Variants in JADE3 observed in about 807,000 individuals in gnomAD.
JADE3 encodes jade family PHD finger 3.
A neutral mutation model predicts 50.1 loss-of-function variants in JADE3; 2 were observed. The ratio of observed to expected loss-of-function variants is 0.04; its 90% CI spans 0.02 to 0.13. The LOEUF (loss-of-function observed/expected upper bound fraction) is 0.13. Among genes scored for constraint, JADE3 ranks in the 10% least tolerant of loss-of-function variants. The probability of loss-of-function intolerance (pLI) is 1.00; values close to 1 mark genes in which losing one functional copy is unlikely to be tolerated. For synonymous variants in JADE3, 218 were observed against 232.9 expected (o/e 0.94, Z 0.58); for missense variants, 475 against 634.4 (o/e 0.75, Z 2.70).
chrX:46,956,386 C>G (rs1272326709), intron 1 of JADE3, among the ~76,000 whole-genome samples: 1 of 112,760 alleles, frequency 8.9e-6, no homozygotes, highest in African/African-American at 3.2e-5. Context: ...TAAGCTAAAA[C>G]ATTTCTGATT....
chrX:46,978,222 C>CA (rs1392779125), intron 1 of JADE3, among the ~76,000 whole-genome samples: 5 of 111,069 alleles, frequency 4.5e-5, no homozygotes, highest in African/African-American at 1.3e-4. Flanking sequence ...TAAAGAATCA[C>CA]AAAAAAAATC....
intron 5 of JADE3, among the ~76,000 whole-genome samples, chrX:47,025,528 C>T (rs1381268184): frequency 8.9e-6 from 1 of 111,959 alleles, no homozygotes; most frequent in Non-Finnish European, 1.9e-5. Context: ...TAAAATGAAA[C>T]AAAAACAAGC....
At chrX:46,958,047 A>T (rs782215748) in intron 1 of JADE3, among the ~76,000 whole-genome samples, 1 of 111,721 alleles carries the variant, frequency 9.0e-6, no homozygotes, top group Admixed American at 9.5e-5. Context: ...TTCAATGGTC[A>T]TTTATGTGAT....
At chrX:47,012,472 T>G (rs1420948432) in intron 4 of JADE3, among the ~76,000 whole-genome samples, 1 of 110,782 alleles carries the variant, frequency 9.0e-6, no homozygotes, top group Non-Finnish European at 1.9e-5. Context: ...TCCCAGCTGT[T>G]CAAGAGACTT....
At chrX:46,978,807 A>G (rs781901032) in intron 1 of JADE3, among the ~76,000 whole-genome samples, 1 of 111,720 alleles carries the variant, frequency 9.0e-6, no homozygotes, top group South Asian at 3.8e-4. Context: ...ATGTTGCTCT[A>G]AGCATGTCGC....
At chrX:46,953,832 C>G in intron 1 of JADE3, among the ~76,000 whole-genome samples, 1 of 111,711 alleles carries the variant, frequency 9.0e-6, no homozygotes, top group African/African-American at 3.3e-5. Context: ...CTTGGCCCTG[C>G]CTCTCTGTCG....
chrX:47,004,920 T>C (rs5952980), intron 4 of JADE3, among the ~76,000 whole-genome samples: 3,813 of 112,169 alleles, frequency 0.034, 150 homozygotes, highest in African/African-American at 0.12. Flanking sequence ...AGACTTCTAC[T>C]TCCAAAAAGA....
intron 4 of JADE3, among the ~76,000 whole-genome samples, chrX:47,018,236 C>CTTCCCACACCTCCTTT (rs1228320034): frequency 4.5e-5 from 5 of 111,460 alleles, no homozygotes; most frequent in African/African-American, 1.6e-4. Flanking sequence ...ACACCTCCTT[C>CTTCCCACACCTCCTTT]TTCCCACACC....
rs151048171 is a variant in JADE3, at chrX:46,981,090, C to T, written c.-11-3794C>T. Among the ~76,000 whole-genome samples the T allele has an allele frequency of 3.0e-3, 333 of 111,601 alleles. 1 individual carries two copies. The highest frequency in any genetic ancestry group is 9.9e-3 in the African/African-American group (304 of 30,775). ...AATAGGCAAGGAAATGAGTTCTCCC[C>T]TGTAGCCTCTAGAAAGGAACGCAGT... On this transcript the variant is annotated intron_variant, in intron 1 of 10. Coordinates refer to ENST00000614628, the MANE Select transcript of JADE3 (RefSeq NM_014735.5).
intron 1 of JADE3, among the ~76,000 whole-genome samples, chrX:46,974,500 A>G (rs1428277618): frequency 2.7e-5 from 3 of 111,846 alleles, no homozygotes; most frequent in Non-Finnish European, 5.6e-5. Context: ...CCAGTGGCTT[A>G]ACTGAAATGT....
chrX:46,921,834 G>A (rs1926227123), intron 1 of JADE3, among the ~76,000 whole-genome samples: 1 of 109,540 alleles, frequency 9.1e-6, no homozygotes, highest in Admixed American at 9.8e-5. Flanking sequence ...ACACTTTTGT[G>A]GGTTGACAGT....
intron 1 of JADE3, among the ~76,000 whole-genome samples, chrX:46,965,435 A>T (rs1321268342): frequency 9.0e-6 from 1 of 111,703 alleles, no homozygotes; most frequent in Non-Finnish European, 1.9e-5. Context: ...AGTCCAGTCC[A>T]TACCTGGTAG....
chrX:46,988,732 C>T (rs1252428624), intron 3 of JADE3, among the ~76,000 whole-genome samples: 1 of 112,584 alleles, frequency 8.9e-6, no homozygotes, highest in Non-Finnish European at 1.9e-5. Context: ...ACACACTACT[C>T]ACAGGTGAGT....
At chrX:47,050,100 GT>G (rs1311104218) in intron 8 of JADE3, among the ~76,000 whole-genome samples, 1 of 109,287 alleles carries the variant, frequency 9.2e-6, no homozygotes, top group African/African-American at 3.3e-5. Flanking sequence ...CACTCTGCTA[GT>G]TTTTTTATTT....
intron 8 of JADE3, among the ~76,000 whole-genome samples, chrX:47,048,132 T>C (rs1398270334): frequency 9.0e-6 from 1 of 111,525 alleles, no homozygotes; most frequent in African/African-American, 3.3e-5. Context: ...GATGTTACTC[T>C]CCAGTCCCTC....
At chrX:46,913,477 C>T (rs1266405839) in intron 1 of JADE3, among the ~76,000 whole-genome samples, 1 of 111,738 alleles carries the variant, frequency 8.9e-6, no homozygotes, top group East Asian at 2.9e-4. Flanking sequence ...ATTTTCCCAC[C>T]GCTGGGCACG....
intron 1 of JADE3, among the ~76,000 whole-genome samples, chrX:46,923,316 G>GA (rs1386914780): frequency 5.8e-5 from 6 of 104,104 alleles, no homozygotes; most frequent in African/African-American, 2.0e-4. Context: ...CGCCCAGCAA[G>GA]AGTTGACCTG....
rs185671500 is a variant in JADE3, at chrX:47,012,260, C to G, written c.285-12464C>G. 4.5e-3 allele frequency among the ~76,000 whole-genome samples: 503 copies of G among 111,221 alleles called. 3 individuals carry two copies. The highest frequency in any genetic ancestry group is 7.2e-3 in the South Asian group (19 of 2,623). On this transcript the variant is annotated intron_variant, in intron 4 of 10. Coordinates refer to ENST00000614628, the MANE Select transcript of JADE3 (RefSeq NM_014735.5). ...ATTCTATTGATTCTCTTTTTACTTT[C>G]CTCATGGTGTCCTTTGAGGAACGAC...
chrX:46,975,714 C>CTTTTTTTTTTT (rs782578317), intron 1 of JADE3, among the ~76,000 whole-genome samples: 1 of 40,517 alleles, frequency 2.5e-5, no homozygotes, highest in Non-Finnish European at 3.9e-5. Flanking sequence ...TTTTCTTTTT[C>CTTTTTTTTTTT]TTTTTTTTTT....
Sources: gnomAD v4.1 joint callset for allele counts (sites outside exome capture counted in the v4.1 genomes callset) on GRCh38, gnomAD v4.1.1 for gene constraint, MANE v1.5 for transcripts, NCBI Gene and HGNC (gene_info 2026-07-23, HGNC 2026-07-21) for gene names.